NPAS3: variants seen among roughly 807,000 people sequenced by gnomAD.
NPAS3 encodes neuronal PAS domain-containing protein 3.
Under a neutral mutation model 73.1 loss-of-function variants are expected in NPAS3, and 14 were observed. The observed-to-expected ratio is 0.19, with a 90% CI of 0.13 to 0.30. NPAS3 has a LOEUF of 0.30. Ranked by LOEUF, NPAS3 falls within the 10% of genes least tolerant of loss-of-function variation. The pLI, the probability that NPAS3 is intolerant of heterozygous loss-of-function variation, is 1.00. For missense variants in NPAS3, 1,096 were observed against 1,250.0 expected, an observed-to-expected ratio of 0.88 and a Z score of 1.86; for synonymous variants, 620 against 541.5, an observed-to-expected ratio of 1.14 and a Z score of -2.01.
intron 5 of NPAS3, among the ~76,000 whole-genome samples, chr14:33,578,063 G>C (rs1298839856): frequency 6.6e-6 from 1 of 152,246 alleles, no homozygotes; most frequent in Non-Finnish European, 1.5e-5. Flanking sequence ...TGTTGGGATA[G>C]CATGTTTTTT....
chr14:33,166,520 T>A (rs1051892425), intron 2 of NPAS3, among the ~76,000 whole-genome samples: 16 of 152,132 alleles, frequency 1.1e-4, no homozygotes. Flanking sequence ...TCTCCAAGGA[T>A]CTTTGTATTT....
chr14:33,196,981 A>G (rs996878351), intron 2 of NPAS3, among the ~76,000 whole-genome samples: 1 of 152,154 alleles, frequency 6.6e-6, no homozygotes, highest in Non-Finnish European at 1.5e-5. Context: ...ACAGGTATTG[A>G]TAACTATGCA....
At chr14:33,541,620 C>T (rs966978327) in intron 4 of NPAS3, among the ~76,000 whole-genome samples, 1 of 152,166 alleles carries the variant, frequency 6.6e-6, no homozygotes, top group Non-Finnish European at 1.5e-5. Flanking sequence ...CAGTGGCTGT[C>T]TCTAAAATGG....
chr14:33,484,897 G>C (rs994177038), intron 4 of NPAS3, among the ~76,000 whole-genome samples: 1 of 152,122 alleles, frequency 6.6e-6, no homozygotes, highest in South Asian at 2.1e-4. Flanking sequence ...ACCCTTCACA[G>C]ATTTCATTTT....
At chr14:33,717,009 G>C (rs1263117065) in intron 6 of NPAS3, among the ~76,000 whole-genome samples, 2 of 152,058 alleles carry the variant, frequency 1.3e-5, no homozygotes, top group East Asian at 3.9e-4. Flanking sequence ...ACTCTAAAAT[G>C]TTTTGAAAGC....
intron 2 of NPAS3, among the ~76,000 whole-genome samples, chr14:33,095,039 G>T (rs1213603363): frequency 6.6e-6 from 1 of 152,112 alleles, no homozygotes; most frequent in Non-Finnish European, 1.5e-5. Context: ...TTTCAAGTTG[G>T]CAAAAAGCAG....
At chr14:33,442,179 G>A (rs924540972) in intron 4 of NPAS3, among the ~76,000 whole-genome samples, 2 of 152,118 alleles carry the variant, frequency 1.3e-5, no homozygotes, top group African/African-American at 4.8e-5. Flanking sequence ...AATTATACTT[G>A]TATTAACATG....
Position 33,418,304 on chromosome 14 carries a change from C to G in NPAS3, c.468+51036C>G, listed in dbSNP as rs920105072. On this transcript the variant is annotated intron_variant, in intron 4 of 11. Transcript: ENST00000356141. The stretch of plus-strand genomic sequence containing the variant: ...AGAAGAGGGGCCAAAGGCTGAACAG[C>G]TTTTCACCCGGATACCTGCTTTGGA... Among the ~76,000 whole-genome samples, 4 of 152,004 alleles carry G rather than the reference C, an allele frequency of 2.6e-5. No homozygotes were observed. In the East Asian group the frequency reaches 5.8e-4, roughly 22 times the overall value.
rs552980988 is a variant in NPAS3, at chr14:33,614,786, G to A, written c.558+54576G>A. Among the ~76,000 whole-genome samples, 19 of 152,192 alleles carry A rather than the reference G, an allele frequency of 1.2e-4. No homozygotes were observed. The South Asian group carries it at 3.9e-3, about 32-fold the overall frequency. ...CAAACCTAGATTATTTAAAGTAATT[G>A]AACCTTTTCCAAATTTAATTATTCA... On this transcript the variant is annotated intron_variant, in intron 5 of 11. Coordinates refer to ENST00000356141, the Ensembl canonical transcript of NPAS3.
intron 2 of NPAS3, among the ~76,000 whole-genome samples, chr14:33,129,182 G>A (rs895608686): frequency 2.0e-5 from 3 of 152,064 alleles, no homozygotes; most frequent in Non-Finnish European, 4.4e-5. Context: ...AATCTGTAGC[G>A]TGCTTCTCAT....
intron 4 of NPAS3, among the ~76,000 whole-genome samples, chr14:33,443,295 T>A (rs555727612): frequency 6.6e-6 from 1 of 152,280 alleles, no homozygotes; most frequent in South Asian, 2.1e-4. Flanking sequence ...AAAAAAAAGT[T>A]AATTCACCAA....
At chr14:33,485,815 T>C (rs1355418765) in intron 4 of NPAS3, among the ~76,000 whole-genome samples, 5 of 152,084 alleles carry the variant, frequency 3.3e-5, no homozygotes, top group African/African-American at 1.2e-4. Flanking sequence ...CTTACCCACA[T>C]TCATAAAGTG....
chr14:33,709,999 C>G (rs190879050), intron 6 of NPAS3, among the ~76,000 whole-genome samples: 58 of 152,312 alleles, frequency 3.8e-4, no homozygotes, highest in Non-Finnish European at 7.1e-4. Flanking sequence ...CAAGAGCAAA[C>G]CACCAGAGAG....
intron 2 of NPAS3, among the ~76,000 whole-genome samples, chr14:33,211,580 G>GATTATTAGC (rs1348460464): frequency 6.6e-6 from 1 of 152,136 alleles, no homozygotes. Context: ...ACAGACATTA[G>GATTATTAGC]ATTATTAGCC....
At chr14:33,216,801 A>C (rs895779142) in intron 3 of NPAS3, among the ~76,000 whole-genome samples, 31 of 152,342 alleles carry the variant, frequency 2.0e-4, no homozygotes, top group African/African-American at 7.0e-4. Flanking sequence ...TGACACTTAA[A>C]GATTGAGGAG....
At chr14:33,308,531 T>TACAC (rs550021518) in intron 3 of NPAS3, among the ~76,000 whole-genome samples, 7 of 115,996 alleles carry the variant, frequency 6.0e-5, no homozygotes, top group South Asian at 2.5e-4. Context: ...TATATATACA[T>TACAC]ACACACACAC....
intron 3 of NPAS3, among the ~76,000 whole-genome samples, chr14:33,218,989 A>C (rs2047325251): frequency 6.6e-6 from 1 of 152,224 alleles, no homozygotes; most frequent in Non-Finnish European, 1.5e-5. Context: ...ATGATAGGTT[A>C]AGCAATTGGA....
chr14:33,042,248 T>C (rs1449145670), intron 1 of NPAS3, among the ~76,000 whole-genome samples: 1 of 152,146 alleles, frequency 6.6e-6, no homozygotes, highest in South Asian at 2.1e-4. Flanking sequence ...CTGGGGATAT[T>C]CCAACTAGAT....
chr14:33,567,983 A>T (rs1366170644), intron 5 of NPAS3, among the ~76,000 whole-genome samples: 1 of 152,224 alleles, frequency 6.6e-6, no homozygotes, highest in Non-Finnish European at 1.5e-5. Flanking sequence ...ATCTCAGGAT[A>T]ATTCAAGATA....
Sources: allele counts gnomAD v4.1 joint callset (sites outside exome capture counted in the v4.1 genomes callset), GRCh38; gene constraint gnomAD v4.1.1; transcripts MANE v1.5; gene names NCBI Gene and HGNC (gene_info 2026-07-23, HGNC 2026-07-21).